The following NRG3 variants were observed in gnomAD, a reference collection of about 807,000 sequenced individuals.
NRG3 encodes pro-neuregulin-3, membrane-bound isoform.
Under a neutral mutation model 66.9 loss-of-function variants are expected in NRG3, and 31 were observed. The observed-to-expected ratio is 0.46, with a 90% CI of 0.35 to 0.63. The LOEUF (loss-of-function observed/expected upper bound fraction) is 0.63, where lower values mean the gene tolerates loss of function less well. Among genes scored for constraint, NRG3 ranks in the 20% least tolerant of loss-of-function variants. The probability of loss-of-function intolerance (pLI) is 0.00; values close to 1 mark genes in which losing one functional copy is unlikely to be tolerated. For missense variants in NRG3, 910 were observed against 878.9 expected (o/e 1.04, Z -0.45); for synonymous variants, 393 against 359.4 (o/e 1.09, Z -1.06).
Position 82,067,398 on chromosome 10 carries a change from C to T in NRG3, c.823+191235C>T, listed in dbSNP as rs144679026. ...CTTGCTTTGGAGACAGAGCCTTGCT[C>T]TATCCCCCAGGCGCAATCTTGCCCA... On this transcript the variant is annotated intron_variant, in intron 1 of 8. Coordinates refer to ENST00000372141, the MANE Select transcript of NRG3 (RefSeq NM_001010848.4). Among the ~76,000 whole-genome samples, 590 of 152,306 alleles carry T rather than the reference C, an allele frequency of 3.9e-3. 3 individuals carry two copies. The highest frequency in any genetic ancestry group is 0.014 in the African/African-American group (564 of 41,558).
At chr10:82,983,296 TACTTCTTGTTGAA>T (rs1257037397) in intron 8 of NRG3, among the ~76,000 whole-genome samples, 3 of 152,248 alleles carry the variant, frequency 2.0e-5, no homozygotes, top group Non-Finnish European at 4.4e-5. Context: ...ATTTTTTCTT[TACTTCTTGTTGAA>T]ATTGATTTAT....
chr10:82,328,054 T>C (rs2081961053), intron 1 of NRG3, among the ~76,000 whole-genome samples: 3 of 152,196 alleles, frequency 2.0e-5, no homozygotes, highest in African/African-American at 7.2e-5. Flanking sequence ...GGGTTAGGGC[T>C]TCAACTTGTG....
chr10:82,635,289 G>T (rs1441577445), intron 2 of NRG3, among the ~76,000 whole-genome samples: 1 of 152,068 alleles, frequency 6.6e-6, no homozygotes, highest in Non-Finnish European at 1.5e-5. Context: ...TTATTTGAAA[G>T]GTTCTCTCCC....
intron 2 of NRG3, among the ~76,000 whole-genome samples, chr10:82,634,683 T>C (rs1408111256): frequency 2.0e-5 from 3 of 152,214 alleles, no homozygotes; most frequent in South Asian, 2.1e-4. Flanking sequence ...AAGTCAACTA[T>C]TGATACCTAG....
intron 3 of NRG3, among the ~76,000 whole-genome samples, chr10:82,838,470 A>T (rs1288791008): frequency 6.6e-6 from 1 of 152,154 alleles, no homozygotes; most frequent in Non-Finnish European, 1.5e-5. Flanking sequence ...TTAATTTGAA[A>T]TAAAAGTAAG....
At chr10:82,406,009 T>A (rs888124734) in intron 2 of NRG3, among the ~76,000 whole-genome samples, 1 of 152,118 alleles carries the variant, frequency 6.6e-6, no homozygotes, top group African/African-American at 2.4e-5. Flanking sequence ...GTCAATATTG[T>A]CAAAAGGCAT....
intron 2 of NRG3, among the ~76,000 whole-genome samples, chr10:82,720,398 CAAATT>C (rs2057225293): frequency 6.6e-6 from 1 of 151,604 alleles, no homozygotes; most frequent in Non-Finnish European, 1.5e-5. Flanking sequence ...ACAAAACTAA[CAAATT>C]AATAATAAAA....
At chr10:82,047,566 C>A (rs2063362182) in intron 1 of NRG3, among the ~76,000 whole-genome samples, 1 of 151,230 alleles carries the variant, frequency 6.6e-6, no homozygotes, top group Non-Finnish European at 1.5e-5. Flanking sequence ...ATTTTGTCAC[C>A]ACCAGGCCTG....
chr10:82,656,308 C>CTTTTTTTTTTTTTTTTT (rs3040205), intron 2 of NRG3, among the ~76,000 whole-genome samples: 3 of 132,012 alleles, frequency 2.3e-5, no homozygotes, highest in African/African-American at 2.8e-5. Context: ...TTTCTTTTTT[C>CTTTTTTTTTTTTTTTTT]TTTTTTTTTT....
chr10:82,237,354 TCTC>T (rs1243192593), intron 1 of NRG3, among the ~76,000 whole-genome samples: 2 of 152,228 alleles, frequency 1.3e-5, no homozygotes, highest in African/African-American at 4.8e-5. Context: ...CTGTTGGAGA[TCTC>T]TATGAATACT....
chr10:82,027,420 T>A (rs1046599877), intron 1 of NRG3, among the ~76,000 whole-genome samples: 3 of 152,064 alleles, frequency 2.0e-5, no homozygotes, highest in African/African-American at 7.2e-5. Context: ...AGTTTTTTTC[T>A]TCTCCAGGGA....
At chr10:82,018,529 A>G (rs1241091243) in intron 1 of NRG3, among the ~76,000 whole-genome samples, 3 of 152,200 alleles carry the variant, frequency 2.0e-5, no homozygotes, top group Admixed American at 1.3e-4. Context: ...CTTGGGCAGC[A>G]TGGCCATTTT....
At chr10:82,768,291 C>G (rs1187883643) in intron 3 of NRG3, among the ~76,000 whole-genome samples, 1 of 152,166 alleles carries the variant, frequency 6.6e-6, no homozygotes, top group Non-Finnish European at 1.5e-5. Context: ...TCTCACTTCT[C>G]AGTTGTGTCC....
intron 3 of NRG3, among the ~76,000 whole-genome samples, chr10:82,841,780 T>C (rs1333703655): frequency 2.0e-5 from 3 of 152,228 alleles, no homozygotes; most frequent in African/African-American, 7.2e-5. Context: ...AATAACTGGG[T>C]ACTATAGCCT....
At chr10:82,836,491 A>C (rs1376647438) in intron 3 of NRG3, among the ~76,000 whole-genome samples, 1 of 152,126 alleles carries the variant, frequency 6.6e-6, no homozygotes, top group Non-Finnish European at 1.5e-5. Context: ...TAAATTTTCA[A>C]CTCGGCTGTC....
At chr10:82,729,515 G>T (rs2057784078) in intron 2 of NRG3, among the ~76,000 whole-genome samples, 1 of 152,100 alleles carries the variant, frequency 6.6e-6, no homozygotes, top group Admixed American at 6.5e-5. Flanking sequence ...CCACATAGCT[G>T]CTCTGGAGAA....
intron 3 of NRG3, among the ~76,000 whole-genome samples, chr10:82,788,401 C>T (rs986713227): frequency 4.6e-5 from 7 of 152,092 alleles, no homozygotes; most frequent in African/African-American, 1.4e-4. Flanking sequence ...GAAACACCAT[C>T]TCTACTAAAA....
chr10:82,494,294 T>C (rs1843421027), intron 2 of NRG3, among the ~76,000 whole-genome samples: 1 of 152,200 alleles, frequency 6.6e-6, no homozygotes, highest in African/African-American at 2.4e-5. Context: ...TGTTGACTTC[T>C]ACCTCTCCTC....
chr10:82,436,069 T>G (rs1457164794), intron 2 of NRG3, among the ~76,000 whole-genome samples: 1 of 152,152 alleles, frequency 6.6e-6, no homozygotes, highest in African/African-American at 2.4e-5. Flanking sequence ...GATCCAGAGC[T>G]GAGTTCAAGT....
Sources: allele counts gnomAD v4.1 joint callset (sites outside exome capture counted in the v4.1 genomes callset), GRCh38; gene constraint gnomAD v4.1.1; transcripts MANE v1.5; gene names NCBI Gene and HGNC (gene_info 2026-07-23, HGNC 2026-07-21).